TYRO3: variants seen among roughly 807,000 people sequenced by gnomAD.
TYRO3 encodes the protein tyrosine-protein kinase receptor TYRO3.
A neutral mutation model predicts 95.2 loss-of-function variants in TYRO3; 38 were observed. The observed-to-expected ratio is 0.40, with a 90% CI of 0.31 to 0.52. The LOEUF is 0.52. Ranked by LOEUF, TYRO3 falls within the 20% of genes least tolerant of loss-of-function variation. TYRO3 has a pLI of 0.56. For missense variants in TYRO3, 812 were observed against 1,116.4 expected (o/e 0.73, Z 3.89); for synonymous variants, 367 against 432.9 (o/e 0.85, Z 1.89).
Position 41,577,755 on chromosome 15 carries a change from A to G in TYRO3, c.2283-131A>G, listed in dbSNP as rs573361014. 3.4e-5 allele frequency: 32 copies of G among 938,332 alleles called. No individual in the cohort carries two copies. The African/African-American group carries it at 5.1e-4, about 15-fold the overall frequency. The allele number at this position is 938,332 out of a possible 1,614,324, so 58.1% of individuals were successfully genotyped here. ...CCCCCTTCGGCCTCCCAAAGTGTTG[A>G]GATTACAGATGCGAGCCGCTGTGCC... On this transcript the variant is annotated intron_variant, in intron 18 of 18. Transcript: ENST00000263798.
rs1243297611 is a variant in TYRO3, at chr15:41,562,586, G to C, written c.448G>C (p.Val150Leu). The change falls in exon 4 of 19, where the codon GTG becomes CTG. Residue 150 changes from valine (V) to leucine (L), a missense_variant. Physicochemically the swap from Val to Leu is conservative, Grantham distance 32 (BLOSUM62 1). Coordinates refer to ENST00000263798, the MANE Select transcript of TYRO3 (RefSeq NM_006293.4). ...FFTVEPKDLAVPPNAPFQLSC... is the reference protein window; with the variant it reads ...FFTVEPKDLALPPNAPFQLSC... ...CACAGTGGAGCCAAAAGATCTGGCA[G>C]TGCCACCCAATGCCCCTTTCCAACT... 6.2e-7 allele frequency: 1 copy of C among 1,613,364 alleles called. No homozygotes were observed. The highest frequency in any genetic ancestry group is 1.1e-5 in the South Asian group (1 of 91,038).
intron 4 of TYRO3, among the ~76,000 whole-genome samples, chr15:41,563,741 A>G (rs145112875): frequency 1.6e-3 from 242 of 152,324 alleles, no homozygotes; most frequent in Non-Finnish European, 2.0e-3. Flanking sequence ...ACATGTGCAT[A>G]AAGAGCTGAG....
intron 15 of TYRO3, 32 bp from the exon 16 acceptor site, chr15:41,572,970 T>C: frequency 1.3e-6 from 2 of 1,593,022 alleles, no homozygotes; most frequent in Non-Finnish European, 1.7e-6. Context: ...GGTGGGCAGG[T>C]TAAGCCTGAG....
At chr15:41,564,364 C>T (rs911441395) in intron 5 of TYRO3, 94 bp downstream of exon 5, 6 of 1,265,324 alleles carry the variant, frequency 4.7e-6, no homozygotes, top group African/African-American at 4.4e-5. Context: ...TCCAGCTCCC[C>T]TTGTGGTCCT....
At chr15:41,569,812 T>C (rs1348637811) in intron 9 of TYRO3, among the ~76,000 whole-genome samples, 1 of 152,162 alleles carries the variant, frequency 6.6e-6, no homozygotes, top group Non-Finnish European at 1.5e-5. Flanking sequence ...AGAACTGGCA[T>C]AGAAATCCAT....
chr15:41,570,806 A>G (rs2055786410), intron 12 of TYRO3, 107 bp downstream of exon 12: 1 of 1,127,820 alleles, frequency 8.9e-7, no homozygotes, highest in Admixed American at 1.9e-5. Flanking sequence ...TGCCGTAAAC[A>G]AGATATGCTT....
rs757894229 is a variant in TYRO3, at chr15:41,568,999, TG to T, written c.1231del (p.Val411SerfsTer27). On this transcript the variant is annotated frameshift_variant, in exon 9 of 19. Transcript: ENST00000263798. LOFTEE classifies it high-confidence loss of function. ...VGCGPWSQPL[V>X]VSSHDRAGQQ... ...TGTGGACCCTGGAGTCAGCCACTGG[TG>T]GTCTCTTCTCATGACCGTGCAGGTG... is the stretch of plus-strand genomic sequence containing the variant. 6.2e-7 allele frequency: 1 copy of T among 1,614,086 alleles called. No individual in the cohort carries two copies. Among genetic ancestry groups the T allele is most frequent in the Non-Finnish European group, 8.5e-7 (1 of 1,180,008 alleles).
intron 3 of TYRO3, 149 bp from the exon 4 acceptor site, chr15:41,562,399 G>T: frequency 1.6e-6 from 1 of 607,506 alleles, no homozygotes; most frequent in East Asian, 3.2e-5. Context: ...TACCTCTCAA[G>T]CTAGATGCCT....
intron 18 of TYRO3, among the ~76,000 whole-genome samples, chr15:41,574,915 C>T (rs1174323230): frequency 2.0e-5 from 3 of 152,092 alleles, no homozygotes; most frequent in African/African-American, 7.2e-5. Flanking sequence ...GACAGGGCTC[C>T]GCCATATTTG....
intron 4 of TYRO3, among the ~76,000 whole-genome samples, chr15:41,563,343 A>G (rs1453383546): frequency 2.0e-5 from 3 of 152,208 alleles, no homozygotes; most frequent in South Asian, 2.1e-4. Context: ...TTTGTGAAAC[A>G]AAGGCTTGCT....
intron 4 of TYRO3, among the ~76,000 whole-genome samples, chr15:41,563,861 A>G (rs565161087): frequency 5.3e-5 from 8 of 152,280 alleles, no homozygotes; most frequent in African/African-American, 1.9e-4. Context: ...AAAGGGGGGC[A>G]ATTTGTGCTG....
chr15:41,561,510 G>A, intron 2 of TYRO3, 29 bp from the exon 3 acceptor site: 1 of 1,313,624 alleles, frequency 7.6e-7, no homozygotes, highest in Non-Finnish European at 1.0e-6. Flanking sequence ...CTTGCCCTCG[G>A]AAGCAAGCCT....
chr15:41,581,574 C>G lies in TYRO3; in HGVS notation c.*3298C>G, dbSNP rs1047070921. 1 of 152,146 alleles carries G rather than the reference C, an allele frequency of 6.6e-6. No homozygotes were observed. Among genetic ancestry groups the G allele is most frequent in the African/African-American group, 2.4e-5 (1 of 41,428 alleles). The allele number at this position is 152,146 out of a possible 1,614,324, so 9.4% of individuals were successfully genotyped here. On this transcript the variant is annotated 3_prime_UTR_variant, in exon 19 of 19. Transcript: ENST00000263798. ...GGGGGCGGTGGCTGATGCCTGTAAT[C>G]CCAGCACTTTGTGAGGCTGAGGCGG...
chr15:41,569,122 G>C, intron 9 of TYRO3, 100 bp downstream of exon 9: 2 of 1,399,408 alleles, frequency 1.4e-6, no homozygotes, highest in Non-Finnish European at 2.0e-6. Flanking sequence ...TCCCCTCCTA[G>C]TAGACCCACA....
intron 11 of TYRO3, 84 bp from the exon 12 acceptor site, chr15:41,570,520 T>C: frequency 6.7e-7 from 1 of 1,492,360 alleles, no homozygotes; most frequent in Non-Finnish European, 9.3e-7. Context: ...CTCTATGCTC[T>C]GAGGGCAGAG....
At chr15:41,560,394 T>TGTGTGTGC (rs2055632426) in intron 1 of TYRO3, among the ~76,000 whole-genome samples, 3 of 16,440 alleles carry the variant, frequency 1.8e-4, no homozygotes, top group Admixed American at 6.9e-4. Context: ...GGTGCGTGTA[T>TGTGTGTGC]GTGTGTGTGT....
chr15:41,570,819 A>G, intron 12 of TYRO3, 120 bp downstream of exon 12: 1 of 1,001,012 alleles, frequency 1.0e-6, no homozygotes, highest in Non-Finnish European at 1.6e-6. Context: ...ATATGCTTGT[A>G]GACTCCTGAG....
In TYRO3 at chr15:41,570,092, C is replaced by A; in HGVS notation, c.1318C>A (p.Leu440Met). Residue 440 changes from leucine to methionine, a missense_variant, in exon 10 of 19, where the codon CTG (leucine) becomes ATG (methionine). Leu to Met is a conservative substitution (Grantham distance 15). Transcript: ENST00000263798. ...TGTGGTCCTTGGTGTGCTAACGGCC[C>A]TGGTGACGGCTGCTGCCCTGGCCCT... ...VPVVLGVLTALVTAAALALIL... is the reference protein window; with the variant it reads ...VPVVLGVLTAMVTAAALALIL... 1 of 1,614,140 alleles carries A rather than the reference C, an allele frequency of 6.2e-7. No individual in the cohort carries two copies. Among genetic ancestry groups the A allele is most frequent in the Non-Finnish European group, 8.5e-7 (1 of 1,180,000 alleles).
chr15:41,562,331 C>CAAAAAAAAAAAA (rs11363130), intron 3 of TYRO3: 1 of 167,212 alleles, frequency 6.0e-6, no homozygotes, highest in African/African-American at 4.0e-5. Flanking sequence ...CGACCAATCT[C>CAAAAAAAAAAAA]AAAAAAAAAA....
Sources: gnomAD v4.1 joint callset for allele counts (sites outside exome capture counted in the v4.1 genomes callset) on GRCh38, gnomAD v4.1.1 for gene constraint, MANE v1.5 for transcripts, NCBI Gene and HGNC (gene_info 2026-07-23, HGNC 2026-07-21) for gene names.